CSMD3: variants seen among roughly 807,000 people sequenced by gnomAD.
CSMD3 encodes the protein CUB and sushi domain-containing protein 3.
Under a neutral mutation model 435.2 loss-of-function variants are expected in CSMD3, and 177 were observed. The ratio of observed to expected loss-of-function variants is 0.41; its 90% CI spans 0.36 to 0.46. The LOEUF is 0.46. CSMD3 is among the 20% of genes least tolerant of loss of function. The probability of loss-of-function intolerance (pLI) is 0.34; values close to 1 mark genes in which losing one functional copy is unlikely to be tolerated. For missense variants in CSMD3, 4,265 were observed against 4,504.6 expected, an observed-to-expected ratio of 0.95 and a Z score of 1.52; for synonymous variants, 1,656 against 1,520.5, an observed-to-expected ratio of 1.09 and a Z score of -2.07.
In CSMD3 at chr8:112,281,246, T is replaced by C. The variant is rs1818600258; in HGVS notation, c.9436A>G (p.Ile3146Val). 6.2e-7 allele frequency: 1 copy of C among 1,613,444 alleles called. No homozygotes were observed. Among genetic ancestry groups the C allele is most frequent in the Non-Finnish European group, 8.5e-7 (1 of 1,179,478 alleles). ...TGTCTAACTGAAGGTCCAGAAAGGA[T>C]GTATCCCTCCATGCAGGAATAAATG... ...SVIYSCMEGY[I>V]LSGPSVRQCT... Residue 3146 changes from isoleucine (I) to valine (V), a missense_variant, in exon 59 of 71, where the codon ATC (isoleucine) becomes GTC (valine). Physicochemically the swap from Ile to Val is conservative, Grantham distance 29. This residue lies in a region of CSMD3 where 3,255 missense variants were observed against 3,380.2 expected (regional missense o/e 0.96). Coordinates refer to ENST00000297405, the MANE Select transcript of CSMD3 (RefSeq NM_198123.2).
chr8:113,359,420 G>A (rs561886465), intron 1 of CSMD3, among the ~76,000 whole-genome samples: 6 of 152,292 alleles, frequency 3.9e-5, no homozygotes, highest in African/African-American at 1.2e-4. Flanking sequence ...TTTCCCTAAA[G>A]TGCCTGAGAA....
chr8:112,728,126 T>G (rs890546766), intron 13 of CSMD3, among the ~76,000 whole-genome samples: 5 of 151,906 alleles, frequency 3.3e-5, no homozygotes, highest in African/African-American at 1.2e-4. Flanking sequence ...TTGGGAAGAA[T>G]TAAAGCTTTG....
Position 112,966,101 on chromosome 8 carries a change from C to T in CSMD3, c.1342+9736G>A, listed in dbSNP as rs563765476. On this transcript the variant is annotated intron_variant, in intron 7 of 70. Coordinates refer to ENST00000297405, the MANE Select transcript of CSMD3 (RefSeq NM_198123.2). ...TACAATGATCAATATTTGTATGTAA[C>T]TCTCCACCCAAAATGTTGACATTCC... Among the ~76,000 whole-genome samples the T allele has an allele frequency of 2.6e-5, 4 of 151,794 alleles. No homozygotes were observed. In the Middle Eastern group the frequency reaches 0.014, roughly 516 times the overall value.
chr8:112,343,532 C>T (rs551920699), intron 41 of CSMD3, among the ~76,000 whole-genome samples: 1 of 152,250 alleles, frequency 6.6e-6, no homozygotes, highest in Non-Finnish European at 1.5e-5. Flanking sequence ...TTTTTTTTAG[C>T]TTTCTCACCT....
At chr8:112,426,846 T>C (rs144099715) in intron 32 of CSMD3, among the ~76,000 whole-genome samples, 1 of 152,322 alleles carries the variant, frequency 6.6e-6, no homozygotes, top group East Asian at 1.9e-4. Flanking sequence ...TCCAATTATG[T>C]ACAAAAAATA....
intron 3 of CSMD3, among the ~76,000 whole-genome samples, chr8:113,220,473 G>C (rs182599417): frequency 6.6e-6 from 1 of 151,326 alleles, no homozygotes; most frequent in African/African-American, 2.4e-5. Context: ...AATGTATTAA[G>C]CATCAAGATA....
At chr8:113,314,830 A>C (rs1453341903) in intron 1 of CSMD3, 37 bp from the exon 2 acceptor site, 1 of 1,268,808 alleles carries the variant, frequency 7.9e-7, no homozygotes, top group East Asian at 2.3e-5. Context: ...TTAATATTAT[A>C]TAAATCAAGA....
chr8:113,232,376 T>G (rs994219936), intron 3 of CSMD3, among the ~76,000 whole-genome samples: 92 of 151,728 alleles, frequency 6.1e-4, no homozygotes, highest in Non-Finnish European at 9.7e-4. Context: ...TTTGGAGATG[T>G]CTTTGACTTA....
At chr8:113,141,095 C>G (rs1417381519) in intron 4 of CSMD3, among the ~76,000 whole-genome samples, 1 of 150,544 alleles carries the variant, frequency 6.6e-6, no homozygotes, top group African/African-American at 2.4e-5. Context: ...ATGAAACTCA[C>G]CAGATCCTCA....
chr8:113,231,571 G>T (rs2093087432), intron 3 of CSMD3, among the ~76,000 whole-genome samples: 1 of 151,370 alleles, frequency 6.6e-6, no homozygotes, highest in African/African-American at 2.4e-5. Context: ...AATTTTGAGT[G>T]CATTGTTAAA....
chr8:112,522,868 T>G (rs933174152), intron 27 of CSMD3, among the ~76,000 whole-genome samples: 1 of 151,912 alleles, frequency 6.6e-6, no homozygotes, highest in Admixed American at 6.6e-5. Context: ...ATAATTTCAC[T>G]GGAAATATGC....
chr8:113,100,240 A>G (rs2131553251), intron 4 of CSMD3, among the ~76,000 whole-genome samples: 1 of 152,186 alleles, frequency 6.6e-6, no homozygotes, highest in Admixed American at 6.6e-5. Context: ...TATTTTTTAA[A>G]AATTTTATTG....
At chr8:113,138,872 T>G (rs1190780460) in intron 4 of CSMD3, among the ~76,000 whole-genome samples, 2 of 150,874 alleles carry the variant, frequency 1.3e-5, no homozygotes, top group African/African-American at 4.9e-5. Context: ...TATCTGAATA[T>G]ATGTATATAT....
At chr8:112,346,579 G>T (rs1259340118) in intron 40 of CSMD3, among the ~76,000 whole-genome samples, 4 of 150,186 alleles carry the variant, frequency 2.7e-5, no homozygotes, top group Non-Finnish European at 4.4e-5. Flanking sequence ...TCCCAAAGAC[G>T]ATATAATTTA....
chr8:112,840,360 A>AG (rs2080144964), intron 11 of CSMD3, among the ~76,000 whole-genome samples: 1 of 151,676 alleles, frequency 6.6e-6, no homozygotes, highest in African/African-American at 2.4e-5. Flanking sequence ...TGTCCTCTCC[A>AG]ATTTCTTTAA....
At chr8:113,074,461 TC>T (rs1381818415) in intron 5 of CSMD3, among the ~76,000 whole-genome samples, 1 of 151,892 alleles carries the variant, frequency 6.6e-6, no homozygotes, top group Non-Finnish European at 1.5e-5. Context: ...GACAGACCTT[TC>T]TACCAGGTTT....
chr8:112,715,344 G>T (rs2131940776), intron 13 of CSMD3, among the ~76,000 whole-genome samples: 1 of 152,180 alleles, frequency 6.6e-6, no homozygotes, highest in Non-Finnish European at 1.5e-5. Context: ...TAAATTCCTG[G>T]ACTCATGCAC....
chr8:112,930,772 C>T (rs1272945089), intron 9 of CSMD3, among the ~76,000 whole-genome samples: 6 of 151,922 alleles, frequency 3.9e-5, no homozygotes, highest in Non-Finnish European at 7.4e-5. Context: ...GTGCAAAGAC[C>T]GATGTGCATA....
At chr8:112,845,864 A>G (rs1057116328) in intron 11 of CSMD3, among the ~76,000 whole-genome samples, 1 of 152,028 alleles carries the variant, frequency 6.6e-6, no homozygotes, top group African/African-American at 2.4e-5. Flanking sequence ...GTGAAGGAAA[A>G]GGGGAAGGAT....
Sources: gnomAD v4.1 joint callset for allele counts (sites outside exome capture counted in the v4.1 genomes callset) on GRCh38, gnomAD v4.1.1 for gene constraint, gnomAD v4.1.1 regional missense constraint, MANE v1.5 for transcripts, NCBI Gene and HGNC (gene_info 2026-07-23, HGNC 2026-07-21) for gene names.